The following UTS2 variants were observed in gnomAD, a reference collection of about 807,000 sequenced individuals.
UTS2 encodes urotensin 2.
A neutral mutation model predicts 12.6 loss-of-function variants in UTS2; 10 were observed. The ratio of observed to expected loss-of-function variants is 0.80; its 90% CI spans 0.49 to 1.35. UTS2 has a LOEUF of 1.35. UTS2 is among the 40% of genes most tolerant of loss of function. UTS2 has a pLI of 0.00. For missense variants in UTS2, 142 were observed against 143.2 expected (o/e 0.99, Z 0.04); for synonymous variants, 52 against 50.0 (o/e 1.04, Z -0.17).
Position 7,847,766 on chromosome 1 carries a change from T to G in UTS2, c.375A>C (p.Ter125CysextTer7). The G allele has an allele frequency of 1.2e-6, 2 of 1,607,514 alleles. No homozygotes were observed. Among genetic ancestry groups the G allele is most frequent in the Non-Finnish European group, 8.5e-7 (1 of 1,175,476 alleles). Residue 125 changes from the stop codon to cysteine (C), a stop_lost, in exon 4 of 4, where the codon TGA (stop) becomes TGC (cysteine). Transcript: ENST00000361696. ...TPDCFWKYCV[*>C] Reference sequence around the variant, plus strand: ...CTGACTAACAGATGCTTATTTCACTTCAGACACAGTATTTCCAGAAGCAAT... The same window carrying G: ...CTGACTAACAGATGCTTATTTCACTGCAGACACAGTATTTCCAGAAGCAAT...
the UTS2 span, among the ~76,000 whole-genome samples, chr1:7,908,931 C>T: frequency 2.0e-5 from 3 of 151,922 alleles, no homozygotes; most frequent in African/African-American, 4.8e-5. Flanking sequence ...CTCAGCCTCC[C>T]GAGTAGCTGG....
chr1:7,849,809 C>A, intron 2 of UTS2, 126 bp from the exon 3 acceptor site: 2 of 796,686 alleles, frequency 2.5e-6, no homozygotes, highest in Non-Finnish European at 3.8e-6. Flanking sequence ...CTGCAGCAAG[C>A]TTTTCTTGAA....
At chr1:7,883,131 A>G in the UTS2 span, among the ~76,000 whole-genome samples, 2 of 152,366 alleles carry the variant, frequency 1.3e-5, no homozygotes, top group Non-Finnish European at 1.5e-5. Context: ...TAGAATCAAC[A>G]TGTGTCCATC....
intron 3 of UTS2, among the ~76,000 whole-genome samples, chr1:7,849,345 G>T (rs2097411472): frequency 6.6e-6 from 1 of 152,030 alleles, no homozygotes. Context: ...CTCCCGAGTA[G>T]CTGGGATTAC....
chr1:7,894,947 G>A, the UTS2 span, among the ~76,000 whole-genome samples: 1 of 151,966 alleles, frequency 6.6e-6, no homozygotes, highest in Non-Finnish European at 1.5e-5. Flanking sequence ...AACCAAACCT[G>A]GAAGTTGTTT....
the UTS2 span, among the ~76,000 whole-genome samples, chr1:7,874,437 A>G: frequency 9.2e-5 from 14 of 152,102 alleles, no homozygotes; most frequent in Admixed American, 9.2e-4. Flanking sequence ...CTCCACATCC[A>G]TGGAGTCCTG....
At chr1:7,866,176 G>T in the UTS2 span, among the ~76,000 whole-genome samples, 13 of 152,278 alleles carry the variant, frequency 8.5e-5, no homozygotes, top group African/African-American at 3.1e-4. This position sits in a 1 kb window ranked among gnomAD's most constrained non-coding sequence, Gnocchi z 4.5. Flanking sequence ...GGGGGTTGCT[G>T]TGGCCCGGGG....
At chr1:7,866,141 G>A in the UTS2 span, among the ~76,000 whole-genome samples, 1 of 152,174 alleles carries the variant, frequency 6.6e-6, no homozygotes, top group Non-Finnish European at 1.5e-5. This position sits in a 1 kb window ranked among gnomAD's most constrained non-coding sequence, Gnocchi z 4.5. Context: ...CACGCTCTGG[G>A]CCCCTTGCCT....
the UTS2 span, among the ~76,000 whole-genome samples, chr1:7,891,536 AAAAGAAAGAAAGAAAGAAAG>A: frequency 7.9e-4 from 87 of 109,906 alleles, 1 homozygote; most frequent in African/African-American, 2.0e-3. Flanking sequence ...AGAAAGAAAG[AAAAGAAAGAAAGAAAGAAAG>A]AAAGAAAGAA....
chr1:7,870,214 A>G, the UTS2 span, among the ~76,000 whole-genome samples: 1 of 152,196 alleles, frequency 6.6e-6, no homozygotes. Flanking sequence ...CAAGTAAATT[A>G]AAGTAGGCCC....
chr1:7,892,675 C>T, the UTS2 span, among the ~76,000 whole-genome samples: 10 of 151,554 alleles, frequency 6.6e-5, no homozygotes, highest in African/African-American at 1.7e-4. Context: ...GGCGGGGAGG[C>T]GGGATATTGC....
the UTS2 span, among the ~76,000 whole-genome samples, chr1:7,888,851 A>C: frequency 6.6e-6 from 1 of 152,188 alleles, no homozygotes; most frequent in Non-Finnish European, 1.5e-5. Context: ...GGATGTGAGT[A>C]GATCCATGGG....
chr1:7,853,190 A>C (rs2097415981), upstream of UTS2: 1 of 1,529,798 alleles, frequency 6.5e-7, no homozygotes, highest in Non-Finnish European at 8.8e-7. Flanking sequence ...GCATTGATGT[A>C]ATTTTTCAAG....
At chr1:7,894,056 T>G in the UTS2 span, among the ~76,000 whole-genome samples, 1 of 152,030 alleles carries the variant, frequency 6.6e-6, no homozygotes, top group Non-Finnish European at 1.5e-5. Flanking sequence ...ACTCTGCGTC[T>G]TGCCAAAGTA....
upstream of UTS2, chr1:7,853,606 A>C: frequency 3.8e-6 from 3 of 779,870 alleles, no homozygotes; most frequent in Non-Finnish European, 5.9e-6. Context: ...CTGTACATAC[A>C]CGTGGCCTCA....
chr1:7,849,824 G>C, intron 2 of UTS2, 141 bp from the exon 3 acceptor site: 3 of 682,906 alleles, frequency 4.4e-6, no homozygotes, highest in Non-Finnish European at 7.1e-6. Flanking sequence ...CTTGAATGCA[G>C]ACAGACAGGC....
the UTS2 span, among the ~76,000 whole-genome samples, chr1:7,877,071 G>A: frequency 2.1e-5 from 3 of 144,798 alleles, no homozygotes; most frequent in African/African-American, 7.6e-5. Context: ...CAGGGTTGCT[G>A]TGAGCTGAGA....
chr1:7,852,074 G>A (rs1179240260), intron 1 of UTS2, among the ~76,000 whole-genome samples: 3 of 152,152 alleles, frequency 2.0e-5, no homozygotes, highest in African/African-American at 4.8e-5. Flanking sequence ...AGTGCTTGAC[G>A]ATCATCAGAA....
the UTS2 span, among the ~76,000 whole-genome samples, chr1:7,867,219 G>A: frequency 1.3e-5 from 2 of 152,128 alleles, no homozygotes; most frequent in Non-Finnish European, 2.9e-5. Context: ...GCAAAAAAAG[G>A]GAGATCCCCA....
Sources: allele counts gnomAD v4.1 joint callset (sites outside exome capture counted in the v4.1 genomes callset), GRCh38; gene constraint gnomAD v4.1.1; non-coding constraint Gnocchi (gnomAD v3.1); transcripts MANE v1.5; gene names NCBI Gene and HGNC (gene_info 2026-07-23, HGNC 2026-07-21).